AUTS2: variants seen among roughly 807,000 people sequenced by gnomAD.
The protein encoded by AUTS2 is autism susceptibility gene 2 protein.
A neutral mutation model predicts 112.4 loss-of-function variants in AUTS2; 17 were observed. That is an observed-to-expected ratio of 0.15 (90% confidence interval 0.10 to 0.23). AUTS2 has a LOEUF of 0.23. Among genes scored for constraint, AUTS2 ranks in the 10% least tolerant of loss-of-function variants. The pLI is 1.00. For synonymous variants in AUTS2, 751 were observed against 702.7 expected, an observed-to-expected ratio of 1.07 and a Z score of -1.09; for missense variants, 1,510 against 1,701.6, an observed-to-expected ratio of 0.89 and a Z score of 1.98.
At chr7:69,970,879 A>G (rs181971251) in intron 2 of AUTS2, among the ~76,000 whole-genome samples, 420 of 152,228 alleles carry the variant, frequency 2.8e-3, no homozygotes, top group South Asian at 7.9e-3. Flanking sequence ...CACGTAATAG[A>G]TATTTATTCC....
At chr7:70,486,839 GGTGGTGGTA>G (rs927157698) in intron 5 of AUTS2, among the ~76,000 whole-genome samples, 4 of 151,674 alleles carry the variant, frequency 2.6e-5, no homozygotes, top group Non-Finnish European at 4.4e-5. Flanking sequence ...TGCTGGTGGT[GGTGGTGGTA>G]GTGGTGGTAG....
In AUTS2 at chr7:70,284,522, TA is replaced by T. The variant is rs1011743998; in HGVS notation, c.660+149961del. On this transcript the variant is annotated intron_variant, in intron 4 of 18. Coordinates refer to ENST00000342771, the MANE Select transcript of AUTS2 (RefSeq NM_015570.4). ...CCCCATCTTTACCTACTTGATTGGT[TA>T]AAAAAAAAATCTATTTTTGTTTTTA... 3.4e-4 allele frequency among the ~76,000 whole-genome samples: 51 copies of T among 150,614 alleles called. No individual in the cohort carries two copies. The East Asian group carries it at 3.9e-3, about 11-fold the overall frequency.
chr7:70,213,615 T>G (rs745951600), intron 4 of AUTS2, among the ~76,000 whole-genome samples: 10 of 152,202 alleles, frequency 6.6e-5, no homozygotes, highest in Non-Finnish European at 1.5e-4. Context: ...TCATCTTGTC[T>G]TCTTTAGGAA....
intron 4 of AUTS2, among the ~76,000 whole-genome samples, chr7:70,326,652 T>G (rs1050463160): frequency 6.6e-6 from 1 of 152,190 alleles, no homozygotes; most frequent in African/African-American, 2.4e-5. Flanking sequence ...CTAATTTACT[T>G]GAACCTGGGA....
chr7:69,831,868 A>G (rs531563403), intron 1 of AUTS2, among the ~76,000 whole-genome samples: 25 of 152,338 alleles, frequency 1.6e-4, no homozygotes, highest in African/African-American at 5.5e-4. Flanking sequence ...ACTTTACTTA[A>G]TAATTGAAAG....
intron 5 of AUTS2, among the ~76,000 whole-genome samples, chr7:70,469,615 C>G (rs1029369954): frequency 1.3e-5 from 2 of 151,984 alleles, no homozygotes; most frequent in Non-Finnish European, 2.9e-5. Context: ...TGATAAGATC[C>G]GACTCGTGGT....
intron 3 of AUTS2, among the ~76,000 whole-genome samples, chr7:70,126,616 CAG>C (rs1805983520): frequency 6.6e-6 from 1 of 152,112 alleles, no homozygotes; most frequent in African/African-American, 2.4e-5. Context: ...GAGTTATTCA[CAG>C]GGAAAATATT....
chr7:69,784,573 G>A (rs1028450756), intron 1 of AUTS2, among the ~76,000 whole-genome samples: 1 of 152,182 alleles, frequency 6.6e-6, no homozygotes, highest in African/African-American at 2.4e-5. Flanking sequence ...TCACAAATCT[G>A]TTATTTCTTT....
chr7:70,429,251 T>C (rs969812595), intron 4 of AUTS2, among the ~76,000 whole-genome samples: 2 of 152,250 alleles, frequency 1.3e-5, no homozygotes, highest in Non-Finnish European at 2.9e-5. Flanking sequence ...TGAGCATCTA[T>C]TGTGTCCCAA....
intron 6 of AUTS2, among the ~76,000 whole-genome samples, chr7:70,749,719 T>C (rs1025314953): frequency 5.3e-5 from 8 of 152,178 alleles, no homozygotes; most frequent in African/African-American, 1.4e-4. Context: ...GTGAACAGAC[T>C]TGAGGAGAAG....
chr7:70,016,089 A>G (rs1800015594), intron 2 of AUTS2, among the ~76,000 whole-genome samples: 3 of 152,226 alleles, frequency 2.0e-5, no homozygotes, highest in Non-Finnish European at 4.4e-5. Flanking sequence ...CGGGATATCA[A>G]GAAAACAACA....
At chr7:70,442,434 C>T in intron 5 of AUTS2, among the ~76,000 whole-genome samples, 1 of 152,078 alleles carries the variant, frequency 6.6e-6, no homozygotes, top group East Asian at 1.9e-4. Context: ...TTATAAGTTT[C>T]CTAACTTATA....
intron 1 of AUTS2, among the ~76,000 whole-genome samples, chr7:69,888,178 A>AAAT (rs1794358625): frequency 1.3e-5 from 2 of 151,988 alleles, no homozygotes; most frequent in Non-Finnish European, 2.9e-5. Context: ...AGAAAAAGGA[A>AAAT]TACTAGATGC....
At chr7:69,905,538 G>A (rs1228789005) in intron 2 of AUTS2, among the ~76,000 whole-genome samples, 1 of 151,990 alleles carries the variant, frequency 6.6e-6, no homozygotes, top group Non-Finnish European at 1.5e-5. Flanking sequence ...GATGATCAAG[G>A]GCAGGAAATT....
intron 6 of AUTS2, among the ~76,000 whole-genome samples, chr7:70,713,962 G>T (rs576695272): frequency 6.6e-6 from 1 of 151,968 alleles, no homozygotes; most frequent in African/African-American, 2.4e-5. Flanking sequence ...GCGTGTCTGG[G>T]CTAGGGCTCC....
At chr7:70,670,729 G>A (rs902504752) in intron 5 of AUTS2, among the ~76,000 whole-genome samples, 1 of 152,142 alleles carries the variant, frequency 6.6e-6, no homozygotes, top group African/African-American at 2.4e-5. Flanking sequence ...TTGCCCTTAG[G>A]ATAAAAGAAT....
At chr7:70,328,307 G>C (rs1790585124) in intron 4 of AUTS2, among the ~76,000 whole-genome samples, 1 of 152,046 alleles carries the variant, frequency 6.6e-6, no homozygotes, top group Admixed American at 6.6e-5. Context: ...CTGTAGCCTT[G>C]AACTCCCAGG....
At chr7:69,861,072 T>C (rs1472242823) in intron 1 of AUTS2, among the ~76,000 whole-genome samples, 4 of 152,014 alleles carry the variant, frequency 2.6e-5, no homozygotes, top group African/African-American at 9.7e-5. Context: ...AAAAAATAGC[T>C]GATTCCCAGG....
At chr7:70,086,105 A>G (rs1202766749) in intron 2 of AUTS2, among the ~76,000 whole-genome samples, 1 of 152,196 alleles carries the variant, frequency 6.6e-6, no homozygotes, top group African/African-American at 2.4e-5. Flanking sequence ...TAGTCTTCCA[A>G]CTTACTTTTT....
Sources: allele counts gnomAD v4.1 joint callset (sites outside exome capture counted in the v4.1 genomes callset), GRCh38; gene constraint gnomAD v4.1.1; transcripts MANE v1.5; gene names NCBI Gene and HGNC (gene_info 2026-07-23, HGNC 2026-07-21).